The following COL9A3 variants were observed in gnomAD, a reference collection of about 807,000 sequenced individuals.
COL9A3 encodes the protein collagen alpha-3(IX) chain.
In COL9A3, 82 loss-of-function variants were observed where a neutral mutation model predicts 110.2. The observed-to-expected ratio is 0.74, with a 90% CI of 0.62 to 0.89. COL9A3 has a LOEUF of 0.89. Ranked by LOEUF, COL9A3 falls within the 40% of genes least tolerant of loss-of-function variation. COL9A3 has a pLI of 0.00. For missense variants in COL9A3, 1,066 were observed against 981.3 expected, an observed-to-expected ratio of 1.09 and a Z score of -1.15; for synonymous variants, 494 against 403.8, an observed-to-expected ratio of 1.22 and a Z score of -2.68.
At chr20:62,837,968 TAGCC>T (rs2063649610) in intron 30 of COL9A3, among the ~76,000 whole-genome samples, 4 of 152,198 alleles carry the variant, frequency 2.6e-5, no homozygotes, top group African/African-American at 7.2e-5. Context: ...AATACAAAAT[TAGCC>T]AGGCAAAACA....
chr20:62,819,960 C>G lies in COL9A3; in HGVS notation c.287C>G (p.Pro96Arg), dbSNP rs749124910. 1 of 1,612,902 alleles carries G rather than the reference C, an allele frequency of 6.2e-7. No homozygotes were observed. Among genetic ancestry groups the G allele is most frequent in the South Asian group, 1.1e-5 (1 of 91,084 alleles). Residue 96 changes from proline (P) to arginine (R), a missense_variant, in exon 5 of 32, where the codon CCC (proline) becomes CGC (arginine). By Grantham distance (103) the Pro-to-Arg change is moderately radical. Transcript: ENST00000649368. ...GLTGRDGPPG[P>R]KGAPGERGSL... ...ACTGGACGAGATGGACCCCCTGGAC[C>G]CAAGGGTGCCCCTGGGGAACGGGTA... is the stretch of plus-strand genomic sequence containing the variant.
Position 62,817,063 on chromosome 20 carries a change from C to A in COL9A3, c.-2C>A. 7.3e-7 allele frequency: 1 copy of A among 1,371,848 alleles called. No individual in the cohort carries two copies. Among genetic ancestry groups the A allele is most frequent in the South Asian group, 1.5e-5 (1 of 67,470 alleles). 85.0% of individuals were successfully genotyped at this position (1,371,848 alleles called of 1,614,324 possible). On this transcript the variant is annotated 5_prime_UTR_variant, in exon 1 of 32. Coordinates refer to ENST00000649368, the MANE Select transcript of COL9A3 (RefSeq NM_001853.4). ...ACGCCGCAGCTCAGACTCCGCTCAG[C>A]CATGGCCGGGCCGCGCGCGTGCGCC...
chr20:62,837,992 GA>G (rs888243047), intron 30 of COL9A3, among the ~76,000 whole-genome samples: 2 of 152,212 alleles, frequency 1.3e-5, no homozygotes, highest in Non-Finnish European at 2.9e-5. Flanking sequence ...ACAGATGTAA[GA>G]TTTGAATGAC....
intron 14 of COL9A3, among the ~76,000 whole-genome samples, 179 bp downstream of exon 14, chr20:62,826,436 C>T (rs1049155804): frequency 3.9e-5 from 6 of 152,314 alleles, no homozygotes; most frequent in Admixed American, 1.3e-4. Flanking sequence ...TGTGCCTGGG[C>T]GAGAGCTGAC....
At chr20:62,819,364 T>C (rs1053134204) in intron 4 of COL9A3, 71 bp downstream of exon 4, 36 of 1,441,572 alleles carry the variant, frequency 2.5e-5, no homozygotes, top group Non-Finnish European at 3.3e-5. Flanking sequence ...CCGGCCCTAA[T>C]TGCTGTTGTC....
intron 20 of COL9A3, 41 bp from the exon 21 acceptor site, chr20:62,829,587 G>T: frequency 6.2e-7 from 1 of 1,610,296 alleles, no homozygotes; most frequent in Non-Finnish European, 8.5e-7. Context: ...TGGCCCCAGT[G>T]CAGGTGTAGG....
chr20:62,822,019 G>A, intron 8 of COL9A3, 92 bp from the exon 9 acceptor site: 3 of 874,854 alleles, frequency 3.4e-6, no homozygotes, highest in Non-Finnish European at 5.9e-6. Context: ...GGGCTGGTGG[G>A]AGCTGGGCGT....
Position 62,826,774 on chromosome 20 carries a change from T to C in COL9A3, c.746T>C (p.Ile249Thr), listed in dbSNP as rs930597463. Residue 249 changes from isoleucine (I) to threonine (T), a missense_variant, in exon 15 of 32, where the codon ATT becomes ACT. Physicochemically the swap from Ile to Thr is moderately conservative, Grantham distance 89. Coordinates refer to ENST00000649368, the MANE Select transcript of COL9A3 (RefSeq NM_001853.4). ...PLGPPGDRGP[I>T]GFRGPPGIPG... ...CCCCTCTCTCCTCTGCAGGGTCCCA[T>C]TGGGTTCCGAGGGCCGCCTGGGATC... 4 of 1,612,700 alleles carry C rather than the reference T, an allele frequency of 2.5e-6. No homozygotes were observed. The East Asian group carries it at 6.7e-5, about 27-fold the overall frequency.
Position 62,818,476 on chromosome 20 carries a change from C to T in COL9A3, c.148-42C>T, listed in dbSNP as rs781734370. 10 of 1,590,856 alleles carry T rather than the reference C, an allele frequency of 6.3e-6. No individual in the cohort carries two copies. The African/African-American group carries it at 1.1e-4, about 17-fold the overall frequency. ...TCCCCGAGGCGGGGTTCTTGAGGGA[C>T]CCCTGATTTTCAGGGTTACATGTGG... On this transcript the variant is annotated intron_variant, in intron 2 of 31. Transcript: ENST00000649368.
chr20:62,819,173 C>G, intron 3 of COL9A3, 49 bp from the exon 4 acceptor site: 2 of 1,564,064 alleles, frequency 1.3e-6, no homozygotes, highest in Non-Finnish European at 1.8e-6. Flanking sequence ...AAGGCCTGGG[C>G]TCCAGGCCAG....
rs778574462 is a variant in COL9A3 at position 62,829,654 on chromosome 20, C to A, written c.1080C>A (p.Ala360=). The change falls in exon 21 of 32, where the codon GCC becomes GCA. Residue 360 remains alanine, a synonymous_variant. Transcript: ENST00000649368. ...GCAGAGCTGGGGAGCTGGGTGAGGC[C>A]GGCCCCTCTGGAGAGCCAGGCGTCC... ...ERGRAGELGE[A]GPSGEPGVPG... is the part of the protein sequence containing the mutation. 7 of 1,609,442 alleles carry A rather than the reference C, an allele frequency of 4.3e-6. No individual in the cohort carries two copies. Among genetic ancestry groups the A allele is most frequent in the Non-Finnish European group, 4.2e-6 (5 of 1,178,716 alleles).
intron 16 of COL9A3, 28 bp from the exon 17 acceptor site, chr20:62,827,895 C>T (rs767647933): frequency 1.2e-6 from 2 of 1,612,204 alleles, no homozygotes; most frequent in East Asian, 2.2e-5. Flanking sequence ...GAGACTGCCA[C>T]TGCTTCTGTC....
At chr20:62,817,037 G>A (rs1568745615), upstream of COL9A3, 4 of 1,215,462 alleles carry the variant, frequency 3.3e-6, no homozygotes, top group Non-Finnish European at 3.1e-6. Context: ...CGCCCGCCCC[G>A]ACGCCGCAGC....
chr20:62,836,643 C>G, intron 29 of COL9A3, 111 bp downstream of exon 29: 1 of 1,171,004 alleles, frequency 8.5e-7, no homozygotes, highest in Non-Finnish European at 1.2e-6. Flanking sequence ...CAAAGTGAGC[C>G]CCTAGCACTC....
At chr20:62,828,734 C>CGACG in intron 17 of COL9A3, 30 bp from the exon 18 acceptor site, 2 of 1,611,832 alleles carry the variant, frequency 1.2e-6, no homozygotes, top group Non-Finnish European at 1.7e-6. Flanking sequence ...GGCCACTGCC[C>CGACG]GACGGGCCTT....
intron 24 of COL9A3, 83 bp downstream of exon 24, chr20:62,830,671 A>ACCCCCCACCCCAGTCCCCC (rs1600803636): frequency 4.2e-5 from 9 of 212,314 alleles, no homozygotes; most frequent in African/African-American, 1.7e-4. Context: ...ACAGTCCCCC[A>ACCCCCCACCCCAGTCCCCC]ACCCCCACCA....
chr20:62,839,241 A>AC (rs1021421696), intron 31 of COL9A3, among the ~76,000 whole-genome samples: 1 of 152,032 alleles, frequency 6.6e-6, no homozygotes, highest in African/African-American at 2.4e-5. Context: ...AAAAAAAAAA[A>AC]AGTTTAATCA....
At chr20:62,826,012 C>A in intron 13 of COL9A3, 142 bp downstream of exon 13, 1 of 1,128,010 alleles carries the variant, frequency 8.9e-7, no homozygotes. Context: ...CGCGACCTGG[C>A]TGGGGGTCCC....
Position 62,820,120 on chromosome 20 carries a change from G to A in COL9A3, c.309+138G>A. 4 of 1,005,870 alleles carry A rather than the reference G, an allele frequency of 4.0e-6. No individual in the cohort carries two copies. In the South Asian group the frequency reaches 4.0e-5, roughly 10 times the overall value. The allele number at this position is 1,005,870 out of a possible 1,614,324, so 62.3% of individuals were successfully genotyped here. A position where few individuals can be genotyped will look rare whatever the true frequency, so the allele number is the denominator to read the frequency against. On this transcript the variant is annotated intron_variant, in intron 5 of 31. Coordinates refer to ENST00000649368, the MANE Select transcript of COL9A3 (RefSeq NM_001853.4). ...CCCTGCCCGTGCCTGGGGTGGAGGG[G>A]CAGAAGGGCAGGGTGCCAAGTGGCC...
Sources: allele counts gnomAD v4.1 joint callset (sites outside exome capture counted in the v4.1 genomes callset), GRCh38; gene constraint gnomAD v4.1.1; transcripts MANE v1.5; gene names NCBI Gene and HGNC (gene_info 2026-07-23, HGNC 2026-07-21).